The following CYFIP1 variants were observed in gnomAD, a reference collection of about 807,000 sequenced individuals.
The protein encoded by CYFIP1 is cytoplasmic FMR1-interacting protein 1.
Under a neutral mutation model 163.5 loss-of-function variants are expected in CYFIP1, and 58 were observed. The observed-to-expected ratio is 0.35, with a 90% CI of 0.29 to 0.44. The LOEUF is 0.44. Ranked by LOEUF, CYFIP1 falls within the 20% of genes least tolerant of loss-of-function variation. The pLI, the probability that CYFIP1 is intolerant of heterozygous loss-of-function variation, is 1.00. For synonymous variants in CYFIP1, 663 were observed against 660.7 expected, an observed-to-expected ratio of 1.00 and a Z score of -0.05; for missense variants, 1,338 against 1,653.8, an observed-to-expected ratio of 0.81 and a Z score of 3.31.
chr15:22,965,257 G>A (rs572586110), intron 1 of CYFIP1, among the ~76,000 whole-genome samples: 8 of 152,250 alleles, frequency 5.3e-5, no homozygotes, highest in African/African-American at 9.6e-5. Context: ...TCAGGAGTTC[G>A]AGACCAGCCC....
At chr15:22,954,345 C>T (rs1346830153) in intron 1 of CYFIP1, among the ~76,000 whole-genome samples, 1 of 152,222 alleles carries the variant, frequency 6.6e-6, no homozygotes, top group African/African-American at 2.4e-5. Flanking sequence ...GGCAAATGAA[C>T]ACAGAGCCAA....
intron 21 of CYFIP1, among the ~76,000 whole-genome samples, chr15:22,907,980 C>T (rs2060641327): frequency 6.6e-6 from 1 of 152,208 alleles, no homozygotes; most frequent in Non-Finnish European, 1.5e-5. Flanking sequence ...TAGGTCTTTC[C>T]ACTGTTTTCT....
At chr15:22,931,915 C>T in intron 11 of CYFIP1, among the ~76,000 whole-genome samples, 1 of 152,068 alleles carries the variant, frequency 6.6e-6, no homozygotes, top group East Asian at 1.9e-4. Context: ...CATTGTGTTA[C>T]AACTATCCAG....
chr15:22,929,466 T>G (rs938896436), intron 11 of CYFIP1, among the ~76,000 whole-genome samples: 1 of 151,692 alleles, frequency 6.6e-6, no homozygotes, highest in Non-Finnish European at 1.5e-5. Flanking sequence ...ACCCCGTCTC[T>G]ACTAAAAATA....
chr15:22,872,293 CAAA>C (rs11327088), intron 30 of CYFIP1, among the ~76,000 whole-genome samples: 13 of 111,384 alleles, frequency 1.2e-4, no homozygotes, highest in Non-Finnish European at 1.3e-4. Context: ...GAAACTGTCT[CAAA>C]AAAAAAAAAA....
chr15:22,964,407 A>C (rs1450938606), intron 1 of CYFIP1, among the ~76,000 whole-genome samples: 32 of 135,670 alleles, frequency 2.4e-4, no homozygotes, highest in South Asian at 1.8e-3. Context: ...ACACACACAC[A>C]CCCGGCAGCC....
At chr15:22,870,304 T>G in intron 30 of CYFIP1, 112 bp from the exon 31 acceptor site, 3 of 1,316,876 alleles carry the variant, frequency 2.3e-6, no homozygotes, top group Non-Finnish European at 3.2e-6. Flanking sequence ...GCAAACGGAA[T>G]TGACACACAT....
chr15:22,922,045 G>C (rs376921569), intron 13 of CYFIP1, among the ~76,000 whole-genome samples: 158 of 151,954 alleles, frequency 1.0e-3, no homozygotes, highest in African/African-American at 3.6e-3. Flanking sequence ...GTGCAGGAAA[G>C]GGTTAACTCA....
At position 22,870,089 on chromosome 15, in the gene CYFIP1, G is replaced by A. The variant is rs778722046; in HGVS notation, c.3701C>T (p.Thr1234Met). The A allele has an allele frequency of 1.8e-5, 29 of 1,612,690 alleles. No homozygotes were observed. Among genetic ancestry groups the A allele is most frequent in the Middle Eastern group, 1.7e-4 (1 of 6,056 alleles). The change falls in exon 31 of 31, where the codon ACG (threonine) becomes ATG (methionine). Residue 1234 changes from threonine to methionine, a missense_variant. This residue lies in a region of CYFIP1 where 306 missense variants were observed against 322.1 expected (regional missense o/e 0.95). Coordinates refer to ENST00000617928, the MANE Select transcript of CYFIP1 (RefSeq NM_014608.6). The stretch of plus-strand genomic sequence containing the variant: ...GAAGCAGCGCACATGCTCCACTGGC[G>A]TGCCCTCCCCGTCGCCTGACTTCAG... ...KYLKSGDGEG[T>M]PVEHVRCFQP...
chr15:22,913,605 TAAAAAA>T (rs33967385), intron 17 of CYFIP1, among the ~76,000 whole-genome samples: 2 of 66,968 alleles, frequency 3.0e-5, no homozygotes, highest in Admixed American at 2.1e-4. Flanking sequence ...TAGACAGCAT[TAAAAAA>T]AAAAAAAAAA....
Position 22,867,326 on chromosome 15 carries a change from A to C in CYFIP1, c.*2702T>G. 2.5e-6 allele frequency: 1 copy of C among 397,346 alleles called. No homozygotes were observed. 24.6% of individuals were successfully genotyped at this position (397,346 alleles called of 1,614,324 possible). On this transcript the variant is annotated 3_prime_UTR_variant, in exon 31 of 31. Coordinates refer to ENST00000617928, the MANE Select transcript of CYFIP1 (RefSeq NM_014608.6). ...TGTTTGTTTGATGATGATTGGTTTTATTTTTGAAATATTTATTAAGGGAAA... is the reference window on the plus strand; with the variant it reads ...TGTTTGTTTGATGATGATTGGTTTTCTTTTTGAAATATTTATTAAGGGAAA...
At chr15:22,976,561 C>G (rs2063288437) in intron 1 of CYFIP1, among the ~76,000 whole-genome samples, 3 of 131,166 alleles carry the variant, frequency 2.3e-5, no homozygotes, top group Admixed American at 2.3e-4. Context: ...CTACAGTCAA[C>G]TGCCCTCCAA....
At chr15:22,922,020 T>A (rs1665938420) in intron 13 of CYFIP1, among the ~76,000 whole-genome samples, 1 of 152,030 alleles carries the variant, frequency 6.6e-6, no homozygotes, top group Non-Finnish European at 1.5e-5. Context: ...TGCGAGAGAA[T>A]CAAGGTGGAC....
chr15:22,915,887 C>T (rs372332974), intron 16 of CYFIP1, among the ~76,000 whole-genome samples: 7 of 152,200 alleles, frequency 4.6e-5, no homozygotes, highest in Non-Finnish European at 1.0e-4. Context: ...AGCCCACACT[C>T]GAACTCCATC....
At chr15:22,881,051 TA>T (rs2141876938) in intron 25 of CYFIP1, among the ~76,000 whole-genome samples, 1 of 152,308 alleles carries the variant, frequency 6.6e-6, no homozygotes, top group Admixed American at 6.5e-5. Flanking sequence ...TGCTGATGGC[TA>T]CTTCCCCATG....
intron 17 of CYFIP1, chr15:22,912,478 T>C (rs2142072545): frequency 2.0e-6 from 1 of 492,918 alleles, no homozygotes; most frequent in East Asian, 3.3e-5. Context: ...GCTGCGAGGA[T>C]GCTTGGGGAC....
chr15:22,893,938 C>A (rs919801333), intron 22 of CYFIP1, among the ~76,000 whole-genome samples: 1 of 152,208 alleles, frequency 6.6e-6, no homozygotes, highest in Non-Finnish European at 1.5e-5. Flanking sequence ...TGTGTCCCTG[C>A]GCCTGTGTTC....
chr15:22,883,686 A>G (rs569061517), intron 23 of CYFIP1, among the ~76,000 whole-genome samples: 64 of 151,924 alleles, frequency 4.2e-4, no homozygotes, highest in South Asian at 1.9e-3. Context: ...GCGTGGTGGC[A>G]GGTGCCTGTA....
chr15:22,951,455 G>A, intron 1 of CYFIP1: 2 of 1,289,456 alleles, frequency 1.6e-6, no homozygotes, highest in South Asian at 1.2e-5. Flanking sequence ...TGGTGTCCAC[G>A]CAGGCACCTC....
Sources: gnomAD v4.1 joint callset for allele counts (sites outside exome capture counted in the v4.1 genomes callset) on GRCh38, gnomAD v4.1.1 for gene constraint, gnomAD v4.1.1 regional missense constraint, MANE v1.5 for transcripts, NCBI Gene and HGNC (gene_info 2026-07-23, HGNC 2026-07-21) for gene names.